The following OTUD3 variants were observed in gnomAD, a reference collection of about 807,000 sequenced individuals.
OTUD3 encodes OTU deubiquitinase 3.
In OTUD3, 24 loss-of-function variants were observed where a neutral mutation model predicts 46.2. That is an observed-to-expected ratio of 0.52 (90% CI 0.38 to 0.73). The LOEUF is 0.73. OTUD3 is among the 30% of genes least tolerant of loss of function. OTUD3 has a pLI of 0.00. For missense variants in OTUD3, 455 were observed against 523.3 expected, an observed-to-expected ratio of 0.87 and a Z score of 1.27; for synonymous variants, 189 against 195.4, an observed-to-expected ratio of 0.97 and a Z score of 0.27.
intron 3 of OTUD3, among the ~76,000 whole-genome samples, 157 bp from the exon 4 acceptor site, chr1:19,897,383 A>C (rs1304149147): frequency 6.6e-6 from 1 of 152,236 alleles, no homozygotes; most frequent in East Asian, 1.9e-4. Context: ...GGAAGGAGGT[A>C]GTTTGGAAAT....
intron 4 of OTUD3, among the ~76,000 whole-genome samples, chr1:19,901,891 G>A (rs1267872151): frequency 6.6e-6 from 1 of 152,136 alleles, no homozygotes; most frequent in Non-Finnish European, 1.5e-5. Flanking sequence ...TTGGAGAGAT[G>A]ATTTTTTGTG....
At position 19,897,471 on chromosome 1, in the gene OTUD3, T is replaced by A. The variant is rs985351634; in HGVS notation, c.484-69T>A. On this transcript the variant is annotated intron_variant, in intron 3 of 7. Transcript: ENST00000375120. ...GACTGGGCTTCCTCAGCAGTCCAGG[T>A]GGGTGTTTCTCTCCAGAAGTTGATA... 13 of 1,557,858 alleles carry A rather than the reference T, an allele frequency of 8.3e-6. No individual in the cohort carries two copies. In the African/African-American group the frequency reaches 1.8e-4, roughly 21 times the overall value.
chr1:19,897,919 A>T, intron 4 of OTUD3: 6 of 245,790 alleles, frequency 2.4e-5, no homozygotes, highest in Non-Finnish European at 3.8e-5. Context: ...TTTTAAAATT[A>T]TTTTTATGTT....
At chr1:19,897,519 G>A (rs2045532499) in intron 3 of OTUD3, 21 bp from the exon 4 acceptor site, 1 of 1,613,190 alleles carries the variant, frequency 6.2e-7, no homozygotes. Context: ...TCACTGGCAT[G>A]GCCCCTTCTT....
At position 19,899,259 on chromosome 1, in the gene OTUD3, TCTC is replaced by T. The variant is rs1257184053; in HGVS notation, c.606+1600_606+1602del. Among the ~76,000 whole-genome samples the T allele has an allele frequency of 4.6e-5, 7 of 152,314 alleles. No individual in the cohort carries two copies. In the East Asian group the frequency reaches 9.6e-4, roughly 21 times the overall value. ...TCAGTGGTATTAGTATATCATAAAA[TCTC>T]CTGTGGTTTACATACCAAGCAAATA... On this transcript the variant is annotated intron_variant, in intron 4 of 7. Transcript: ENST00000375120.
chr1:19,890,311 G>A (rs2045429036), intron 1 of OTUD3, 74 bp from the exon 2 acceptor site: 1 of 1,381,370 alleles, frequency 7.2e-7, no homozygotes, highest in Non-Finnish European at 1.0e-6. Flanking sequence ...GGATGATCTG[G>A]CATGAAGCAT....
Position 19,897,561 on chromosome 1 carries a change from A to G in OTUD3, c.505A>G (p.Ser169Gly), listed in dbSNP as rs1463037708. 1 of 1,614,084 alleles carries G rather than the reference A, an allele frequency of 6.2e-7. No homozygotes were observed. Among genetic ancestry groups the G allele is most frequent in the East Asian group, 2.2e-5 (1 of 44,876 alleles). The change falls in exon 4 of 8, where the codon AGC becomes GGC. Residue 169 changes from serine to glycine, a missense_variant. Transcript: ENST00000375120. ...LWQIRGTEKS[S>G]VRELHIAYRY... ...ACAGATTCGTGGTACAGAGAAAAGC[A>G]GCGTGAGGGAGTTACACATCGCATA...
In OTUD3 at chr1:19,912,453, A is replaced by ATTT. The variant is rs2045745104; in HGVS notation, c.*4707_*4708insTTT. The ATTT allele has an allele frequency of 6.5e-6, 1 of 153,124 alleles. No homozygotes were observed. Among genetic ancestry groups the ATTT allele is most frequent in the Non-Finnish European group, 1.5e-5 (1 of 68,160 alleles). 9.5% of individuals were successfully genotyped at this position (153,124 alleles called of 1,614,324 possible). A position where few individuals can be genotyped will look rare whatever the true frequency, so the allele number is the denominator to read the frequency against. On this transcript the variant is annotated 3_prime_UTR_variant, in exon 8 of 8. Transcript: ENST00000375120. ...ACCAGCACTAAGCTCAGAGGAAAGA[A>ATTT]GAAAAGGGCCAGGAGTCAGACGTCA...
At chr1:19,897,803 TTTTA>T (rs2045537324) in intron 4 of OTUD3, 141 bp downstream of exon 4, 2 of 831,234 alleles carry the variant, frequency 2.4e-6, no homozygotes, top group African/African-American at 3.5e-5. Flanking sequence ...TAAAAATATT[TTTTA>T]TTTCTTAGTT....
chr1:19,883,967 T>C (rs12071403), intron 1 of OTUD3, among the ~76,000 whole-genome samples: 10,106 of 152,284 alleles, frequency 0.066, 939 homozygotes, highest in African/African-American at 0.21. Context: ...CTTTGCTGCG[T>C]TGCTGTTTTT....
In OTUD3 at chr1:19,906,468, T is replaced by G; in HGVS notation, c.872T>G (p.Leu291Arg). ...EENLEPSGRVLKQCGPLWEEG... is the reference protein window; with the variant it reads ...EENLEPSGRVRKQCGPLWEEG... ...AATCTTGAGCCCAGTGGTCGAGTGC[T>G]GAAGCAGTGTGGCCCTTTGTGGGAG... The change falls in exon 7 of 8, where the codon CTG becomes CGG. Residue 291 changes from leucine to arginine, a missense_variant. Physicochemically the swap from Leu to Arg is moderately radical, Grantham distance 102 (BLOSUM62 -2). Transcript: ENST00000375120. The G allele has an allele frequency of 6.2e-7, 1 of 1,614,098 alleles. No homozygotes were observed. Among genetic ancestry groups the G allele is most frequent in the South Asian group, 1.1e-5 (1 of 91,066 alleles).
chr1:19,891,156 A>G (rs955150100), intron 2 of OTUD3, among the ~76,000 whole-genome samples: 3 of 152,228 alleles, frequency 2.0e-5, no homozygotes, highest in African/African-American at 4.8e-5. Context: ...CAATAAAATC[A>G]TGTTAATTTC....
At position 19,911,181 on chromosome 1, in the gene OTUD3, C is replaced by A. The variant is rs891863541; in HGVS notation, c.*3435C>A. 6.6e-6 allele frequency: 1 copy of A among 152,186 alleles called. No individual in the cohort carries two copies. Among genetic ancestry groups the A allele is most frequent in the African/African-American group, 2.4e-5 (1 of 41,396 alleles). The allele number at this position is 152,186 out of a possible 1,614,324, so 9.4% of individuals were successfully genotyped here. Reference sequence around the variant, plus strand: ...CTTCGACTCCCGTTTTGGGTAGATGCGTAGCTCTTCACTTTCTTACCTCAA... The same window carrying A: ...CTTCGACTCCCGTTTTGGGTAGATGAGTAGCTCTTCACTTTCTTACCTCAA... On this transcript the variant is annotated 3_prime_UTR_variant, in exon 8 of 8. Coordinates refer to ENST00000375120, the MANE Select transcript of OTUD3 (RefSeq NM_015207.2).
Position 19,906,444 on chromosome 1 carries a change from A to G in OTUD3, c.848A>G (p.Asn283Ser). 1 of 1,613,904 alleles carries G rather than the reference A, an allele frequency of 6.2e-7. No homozygotes were observed. Among genetic ancestry groups the G allele is most frequent in the Non-Finnish European group, 8.5e-7 (1 of 1,179,854 alleles). Reference sequence around the variant, plus strand: ...CTTTCTTTGGAAGATGCAGAAGAGAATCTTGAGCCCAGTGGTCGAGTGCTG... The same window carrying G: ...CTTTCTTTGGAAGATGCAGAAGAGAGTCTTGAGCCCAGTGGTCGAGTGCTG... Reference protein sequence around the residue: ...NQGKRNNAEENLEPSGRVLKQ... With the variant: ...NQGKRNNAEESLEPSGRVLKQ... Residue 283 changes from asparagine to serine, a missense_variant, in exon 7 of 8, where the codon AAT becomes AGT. Transcript: ENST00000375120.
chr1:19,883,050 A>G (rs1288104861), intron 1 of OTUD3, among the ~76,000 whole-genome samples: 1 of 152,234 alleles, frequency 6.6e-6, no homozygotes, highest in East Asian at 1.9e-4. Flanking sequence ...CAAAGGTGAC[A>G]TTTAAGCTGA....
chr1:19,901,835 G>A (rs761195928), intron 4 of OTUD3, among the ~76,000 whole-genome samples: 1 of 152,156 alleles, frequency 6.6e-6, no homozygotes, highest in South Asian at 2.1e-4. Flanking sequence ...GGTGTAGCAT[G>A]TATCAGTACT....
intron 3 of OTUD3, 138 bp from the exon 4 acceptor site, chr1:19,897,402 A>G: frequency 1.4e-6 from 1 of 691,690 alleles, no homozygotes; most frequent in East Asian, 2.9e-5. Context: ...ATTGCTTGTG[A>G]CATATCCCAG....
In OTUD3 at chr1:19,908,683, A is replaced by G. The variant is rs1205110203; in HGVS notation, c.*937A>G. ...AAGGTTTTTCATGTTCGCATTTTAA[A>G]TAACGATTTTCTTCCCTTCTGTTGT... On this transcript the variant is annotated 3_prime_UTR_variant, in exon 8 of 8. Coordinates refer to ENST00000375120, the MANE Select transcript of OTUD3 (RefSeq NM_015207.2). The G allele has an allele frequency of 6.6e-6, 1 of 152,400 alleles. No individual in the cohort carries two copies. The highest frequency in any genetic ancestry group is 1.9e-4 in the East Asian group (1 of 5,338). The allele number at this position is 152,400 out of a possible 1,614,324, so 9.4% of individuals were successfully genotyped here.
intron 5 of OTUD3, 36 bp downstream of exon 5, chr1:19,904,434 C>T (rs373658430): frequency 1.3e-6 from 2 of 1,588,910 alleles, no homozygotes; most frequent in African/African-American, 1.4e-5. Context: ...GATTTAGAAG[C>T]AAGCATTGCT....
Sources: gnomAD v4.1 joint callset for allele counts (sites outside exome capture counted in the v4.1 genomes callset) on GRCh38, gnomAD v4.1.1 for gene constraint, MANE v1.5 for transcripts, NCBI Gene and HGNC (gene_info 2026-07-23, HGNC 2026-07-21) for gene names.